Variants in NTRK2 observed in about 807,000 individuals in gnomAD.
NTRK2 encodes neurotrophic receptor tyrosine kinase 2, also known as BDNF/NT-3 growth factors receptor.
In NTRK2, 13 loss-of-function variants were observed where a neutral mutation model predicts 94.5. The observed-to-expected ratio is 0.14, with a 90% CI of 0.09 to 0.22. The LOEUF (loss-of-function observed/expected upper bound fraction) is 0.22, where lower values mean the gene tolerates loss of function less well. NTRK2 is among the 10% of genes least tolerant of loss of function. The pLI, the probability that NTRK2 is intolerant of heterozygous loss-of-function variation, is 1.00. For synonymous variants in NTRK2, 372 were observed against 407.4 expected, an observed-to-expected ratio of 0.91 and a Z score of 1.05; for missense variants, 639 against 1,071.2, an observed-to-expected ratio of 0.60 and a Z score of 5.63.
At chr9:84,891,380 A>G (rs1054924773) in intron 14 of NTRK2, among the ~76,000 whole-genome samples, 10 of 151,888 alleles carry the variant, frequency 6.6e-5, no homozygotes, top group African/African-American at 2.4e-4. Context: ...GACACGGTGC[A>G]TTGGAGGCCA....
At chr9:84,757,781 A>G (rs186637095) in intron 12 of NTRK2, among the ~76,000 whole-genome samples, 30 of 152,302 alleles carry the variant, frequency 2.0e-4, no homozygotes, top group African/African-American at 7.0e-4. Flanking sequence ...TTTAATGGAC[A>G]TTTATGTTTT....
chr9:84,730,632 CG>C (rs1198755533), intron 9 of NTRK2, among the ~76,000 whole-genome samples: 4 of 132,664 alleles, frequency 3.0e-5, no homozygotes, highest in East Asian at 2.3e-4. Context: ...CCCAGCTACT[CG>C]GGGAGGCTGA....
chr9:84,874,858 C>T (rs2076006805), intron 14 of NTRK2: 2 of 1,057,742 alleles, frequency 1.9e-6, no homozygotes, highest in Non-Finnish European at 2.3e-6. Context: ...CAGGACAGTC[C>T]TAAACAGACT....
At chr9:84,870,109 AT>A (rs2075775256) in intron 14 of NTRK2, among the ~76,000 whole-genome samples, 1 of 131,494 alleles carries the variant, frequency 7.6e-6, no homozygotes, top group Non-Finnish European at 1.6e-5. Context: ...ATATATATAT[AT>A]ATATATATAT....
chr9:84,747,283 A>G (rs2064163105), intron 11 of NTRK2, among the ~76,000 whole-genome samples: 1 of 152,284 alleles, frequency 6.6e-6, no homozygotes, highest in Non-Finnish European at 1.5e-5. Context: ...TAGCAAGAAC[A>G]AATACCATGG....
intron 12 of NTRK2, among the ~76,000 whole-genome samples, chr9:84,780,380 G>T (rs570813820): frequency 2.0e-5 from 3 of 152,218 alleles, no homozygotes; most frequent in African/African-American, 4.8e-5. Flanking sequence ...TCACAGAAAA[G>T]GTTTGCTGAC....
At chr9:84,892,992 T>A (rs898091575) in intron 14 of NTRK2, among the ~76,000 whole-genome samples, 1 of 152,126 alleles carries the variant, frequency 6.6e-6, no homozygotes, top group Admixed American at 6.5e-5. Context: ...CCTCCCTCCC[T>A]TCCTTTTTTC....
intron 2 of NTRK2, among the ~76,000 whole-genome samples, chr9:84,695,072 A>C (rs1463927212): frequency 6.9e-6 from 1 of 144,862 alleles, no homozygotes; most frequent in Admixed American, 7.2e-5. Flanking sequence ...AAAAAAAAAA[A>C]AACACACAAC....
At position 84,981,265 on chromosome 9, in the gene NTRK2, G is replaced by T. The variant is rs1250569683; in HGVS notation, c.2172+25748G>T. ...CCAGCCGGTTTTGTTTTGTTTTGTT[G>T]TTTTTTTTTTATGTTTAGTAGAGAG... On this transcript the variant is annotated intron_variant, in intron 17 of 18. Transcript: ENST00000277120. Among the ~76,000 whole-genome samples the T allele has an allele frequency of 4.0e-5, 6 of 149,622 alleles. No individual in the cohort carries two copies. In the South Asian group the frequency reaches 6.3e-4, roughly 16 times the overall value.
In NTRK2 at chr9:84,877,532, C is replaced by T. The variant is rs202046277; in HGVS notation, c.1633+10101C>T. 5 of 1,066,630 alleles carry T rather than the reference C, an allele frequency of 4.7e-6. No individual in the cohort carries two copies. The South Asian group carries it at 2.3e-4, about 48-fold the overall frequency. The allele number at this position is 1,066,630 out of a possible 1,614,324, so 66.1% of individuals were successfully genotyped here. Reference sequence around the variant, plus strand: ...AAGCTCCCCATGTGGCCAAGGACCCCCCTCCTACCAGGGCACTTCCTGCCA... The same window carrying T: ...AAGCTCCCCATGTGGCCAAGGACCCTCCTCCTACCAGGGCACTTCCTGCCA... On this transcript the variant is annotated intron_variant, in intron 14 of 18. Transcript: ENST00000277120.
chr9:84,815,494 GC>G, intron 12 of NTRK2: 2 of 1,035,674 alleles, frequency 1.9e-6, no homozygotes, highest in Non-Finnish European at 2.3e-6. Context: ...TCCAGAGGCA[GC>G]CTGTGAATCA....
At chr9:85,001,418 T>C (rs1255041589) in intron 17 of NTRK2, among the ~76,000 whole-genome samples, 1 of 152,212 alleles carries the variant, frequency 6.6e-6, no homozygotes, top group African/African-American at 2.4e-5. Context: ...ACTGGTCCTC[T>C]CAGCTCCACC....
chr9:84,728,489 T>A (rs1462163031), intron 9 of NTRK2, among the ~76,000 whole-genome samples: 1 of 152,170 alleles, frequency 6.6e-6, no homozygotes, highest in Non-Finnish European at 1.5e-5. Flanking sequence ...TTAATGAGAT[T>A]TTGTACCCAC....
At chr9:84,735,345 A>G (rs542518410) in intron 9 of NTRK2, among the ~76,000 whole-genome samples, 37 of 152,352 alleles carry the variant, frequency 2.4e-4, no homozygotes, top group African/African-American at 8.7e-4. Context: ...AATGAAGATT[A>G]TGATTCAATG....
rs1182392429 is a variant in NTRK2, at chr9:84,861,105, T to A, written c.1444+18T>A. ...AGGTGTTGGTAAGTAGTTAACTCAC[T>A]CCTTCTTTGGATAAGTAATGAGTCT... On this transcript the variant is annotated intron_variant, in intron 13 of 18. Coordinates refer to ENST00000277120, the MANE Select transcript of NTRK2 (RefSeq NM_006180.6). 1.9e-6 allele frequency: 3 copies of A among 1,594,728 alleles called. No homozygotes were observed. Among genetic ancestry groups the A allele is most frequent in the South Asian group, 2.2e-5 (2 of 90,626 alleles).
At chr9:84,786,298 A>C (rs1209403556) in intron 12 of NTRK2, among the ~76,000 whole-genome samples, 2 of 152,152 alleles carry the variant, frequency 1.3e-5, no homozygotes, top group East Asian at 3.8e-4. Flanking sequence ...GCATTATCCC[A>C]TGTAATACCC....
chr9:84,683,320 T>C (rs1217373732), intron 2 of NTRK2, among the ~76,000 whole-genome samples: 1 of 152,130 alleles, frequency 6.6e-6, no homozygotes, highest in Admixed American at 6.5e-5. Context: ...TGGGTATTTG[T>C]CCTAATGATC....
rs796439832 is a variant in NTRK2 at position 84,773,606 on chromosome 9, C to G, written c.1396+21521C>G. On this transcript the variant is annotated intron_variant, in intron 12 of 18. Coordinates refer to ENST00000277120, the MANE Select transcript of NTRK2 (RefSeq NM_006180.6). Reference sequence around the variant, plus strand: ...CTCTCTCTCAAAGGCAAAATGAAAACTATATTTATCACCACTTATGGGGCA... The same window carrying G: ...CTCTCTCTCAAAGGCAAAATGAAAAGTATATTTATCACCACTTATGGGGCA... Among the ~76,000 whole-genome samples the G allele has an allele frequency of 7.2e-5, 11 of 152,214 alleles. 1 individual carries two copies. The highest frequency in any genetic ancestry group is 2.6e-4 in the African/African-American group (11 of 41,548).
intron 14 of NTRK2, among the ~76,000 whole-genome samples, chr9:84,900,859 A>G (rs2076905994): frequency 6.6e-6 from 1 of 152,220 alleles, no homozygotes; most frequent in Non-Finnish European, 1.5e-5. Flanking sequence ...AGCTAAACCC[A>G]TCTATCAATT....
Sources: allele counts gnomAD v4.1 joint callset (sites outside exome capture counted in the v4.1 genomes callset), GRCh38; gene constraint gnomAD v4.1.1; transcripts MANE v1.5; gene names NCBI Gene and HGNC (gene_info 2026-07-23, HGNC 2026-07-21).